Variants in MOK observed in about 807,000 individuals in gnomAD.
MOK encodes MAPK/MAK/MRK overlapping kinase.
MOK carries 59 observed loss-of-function variants against 54.2 expected under a neutral mutation model. The observed-to-expected ratio is 1.09, with a 90% CI of 0.88 to 1.35. MOK has a LOEUF of 1.35. MOK is among the 40% of genes most tolerant of loss of function. The pLI is 0.00. For synonymous variants in MOK, 210 were observed against 202.7 expected (o/e 1.04, Z -0.31); for missense variants, 517 against 526.2 (o/e 0.98, Z 0.17).
At chr14:102,284,028 G>T (rs150207867) in intron 1 of MOK, among the ~76,000 whole-genome samples, 1 of 152,148 alleles carries the variant, frequency 6.6e-6, no homozygotes, top group Non-Finnish European at 1.5e-5. Flanking sequence ...ATCCGCAACA[G>T]TTTCCTACAA....
intron 1 of MOK, among the ~76,000 whole-genome samples, chr14:102,288,792 T>G (rs2070421664): frequency 6.6e-6 from 1 of 152,252 alleles, no homozygotes; most frequent in Admixed American, 6.5e-5. Context: ...CAGAATGGGC[T>G]GAAGGGGACA....
At chr14:102,242,522 A>C (rs2065797770) in intron 7 of MOK, among the ~76,000 whole-genome samples, 1 of 4,738 alleles carries the variant, frequency 2.1e-4, no homozygotes, top group African/African-American at 8.0e-4. Flanking sequence ...GGACACCTCT[A>C]CTCTCCCCTG....
At chr14:102,275,624 G>T (rs549341829) in intron 2 of MOK, among the ~76,000 whole-genome samples, 100 of 149,802 alleles carry the variant, frequency 6.7e-4, no homozygotes, top group African/African-American at 2.4e-3. Context: ...AAATGATAAG[G>T]TTTTTAGGAG....
chr14:102,288,175 C>T (rs2070355580), intron 1 of MOK, among the ~76,000 whole-genome samples: 1 of 152,214 alleles, frequency 6.6e-6, no homozygotes, highest in Non-Finnish European at 1.5e-5. Flanking sequence ...AGCAATTCCA[C>T]TCCTACATAT....
At chr14:102,297,788 T>C (rs1371248718) in intron 1 of MOK, among the ~76,000 whole-genome samples, 2 of 152,148 alleles carry the variant, frequency 1.3e-5, no homozygotes, top group Non-Finnish European at 2.9e-5. Context: ...TGCGGCCAGC[T>C]GGTGCTGCTG....
In MOK at chr14:102,229,181, A is replaced by G; in HGVS notation, c.*108T>C. On this transcript the variant is annotated 3_prime_UTR_variant, in exon 12 of 12. Transcript: ENST00000361847. Reference sequence around the variant, plus strand: ...CAGAGCCCCGGCCAGCGCGAAACGGACGCAGGCGCATCCCCAGCCCTCCGT... The same window carrying G: ...CAGAGCCCCGGCCAGCGCGAAACGGGCGCAGGCGCATCCCCAGCCCTCCGT... 8.2e-7 allele frequency: 1 copy of G among 1,220,000 alleles called. No individual in the cohort carries two copies. The highest frequency in any genetic ancestry group is 1.5e-5 in the African/African-American group (1 of 65,528). 75.6% of individuals were successfully genotyped at this position (1,220,000 alleles called of 1,614,324 possible).
chr14:102,224,605 T>G, downstream of MOK: 1 of 456,118 alleles, frequency 2.2e-6, no homozygotes, highest in Non-Finnish European at 4.4e-6. Flanking sequence ...TTTCAGGCTT[T>G]TGAGGGGAGG....
chr14:102,233,508 C>G, intron 8 of MOK, 180 bp downstream of exon 8: 1 of 589,902 alleles, frequency 1.7e-6, no homozygotes, highest in East Asian at 2.9e-5. Flanking sequence ...TTTGAGACCA[C>G]TTAAAGTGAT....
At chr14:102,266,181 A>G (rs1208469189) in intron 2 of MOK, among the ~76,000 whole-genome samples, 1 of 152,228 alleles carries the variant, frequency 6.6e-6, no homozygotes, top group Non-Finnish European at 1.5e-5. Flanking sequence ...ATATTAACAA[A>G]CATAAAAGTA....
Position 102,249,253 on chromosome 14 carries a change from C to T in MOK, c.590+1559G>A, listed in dbSNP as rs921662911. Among the ~76,000 whole-genome samples, 1 of 152,186 alleles carries T rather than the reference C, an allele frequency of 6.6e-6. No homozygotes were observed. The highest frequency in any genetic ancestry group is 2.4e-5 in the African/African-American group (1 of 41,434). ...TGTCTGTGGTGAAATGTGACTAATT[C>T]ACAGTAACCGTGATAAATAACCCCA... On this transcript the variant is annotated intron_variant, in intron 7 of 11. Coordinates refer to ENST00000361847, the MANE Select transcript of MOK (RefSeq NM_014226.3). The surrounding 1 kb of genome is among the most constrained non-coding windows in gnomAD (Gnocchi z 5.3).
At chr14:102,247,608 T>G (rs1038219072) in intron 7 of MOK, 2 of 152,216 alleles carry the variant, frequency 1.3e-5, no homozygotes, top group African/African-American at 4.8e-5. Context: ...ACCTCACAGA[T>G]AGCTTGGAAG....
chr14:102,283,029 G>C (rs1597534695), intron 2 of MOK: 1 of 145,954 alleles, frequency 6.9e-6, no homozygotes, highest in South Asian at 2.2e-4. Flanking sequence ...ACTCCAGCCT[G>C]GGAGACAGAG....
chr14:102,233,543 C>T, intron 8 of MOK, 145 bp downstream of exon 8: 1 of 637,546 alleles, frequency 1.6e-6, no homozygotes, highest in Non-Finnish European at 2.8e-6. Context: ...CAGCCACTCA[C>T]TGGCCCTCAA....
chr14:102,266,382 G>A (rs1426626158), intron 2 of MOK, among the ~76,000 whole-genome samples: 3 of 149,538 alleles, frequency 2.0e-5, no homozygotes, highest in African/African-American at 7.4e-5. Context: ...ATGTCTCACT[G>A]AAGCCTCAAC....
At chr14:102,266,055 C>A in intron 2 of MOK, 143 bp from the exon 3 acceptor site, 1 of 617,278 alleles carries the variant, frequency 1.6e-6, no homozygotes, top group Non-Finnish European at 2.8e-6. Context: ...CCATTAGAAA[C>A]TGAAGTTAAG....
chr14:102,292,427 A>G (rs2070862493), intron 1 of MOK, among the ~76,000 whole-genome samples: 1 of 151,792 alleles, frequency 6.6e-6, no homozygotes, highest in Admixed American at 6.6e-5. Context: ...GAGCCGAGAT[A>G]GCACCACTGC....
At chr14:102,252,435 A>G (rs1273720501) in intron 4 of MOK, among the ~76,000 whole-genome samples, 1 of 152,096 alleles carries the variant, frequency 6.6e-6, no homozygotes, top group Admixed American at 6.5e-5. Flanking sequence ...AGCCTGGGCA[A>G]CAGGAGCAAA....
chr14:102,256,277 T>A lies in MOK; in HGVS notation c.284-4282A>T, dbSNP rs180867831. Among the ~76,000 whole-genome samples, 401 of 151,920 alleles carry A rather than the reference T, an allele frequency of 2.6e-3. 4 individuals are homozygous for A. Among genetic ancestry groups the A allele is most frequent in the African/African-American group, 9.1e-3 (376 of 41,456 alleles). ...ACACCCGGATGCTTTTTTTTTTAATTTTTTGGGCTGGGCACGGTGGCTTAC... is the reference window on the plus strand; with the variant it reads ...ACACCCGGATGCTTTTTTTTTTAATATTTTGGGCTGGGCACGGTGGCTTAC... On this transcript the variant is annotated intron_variant, in intron 4 of 11. Coordinates refer to ENST00000361847, the MANE Select transcript of MOK (RefSeq NM_014226.3).
rs368558755 is a variant in MOK at position 102,265,772 on chromosome 14, A to G, written c.212+51T>C. On this transcript the variant is annotated intron_variant, in intron 3 of 11. Transcript: ENST00000361847. The stretch of plus-strand genomic sequence containing the variant: ...TACCATGGTTTTCTTTCTTAAAAAG[A>G]GATTATTTTCATCAAATTTAGATAA... The G allele has an allele frequency of 2.5e-5, 36 of 1,440,768 alleles. No homozygotes were observed. The South Asian group carries it at 2.5e-4, about 10-fold the overall frequency. 89.2% of individuals were successfully genotyped at this position (1,440,768 alleles called of 1,614,324 possible). A position where few individuals can be genotyped will look rare whatever the true frequency, so the allele number is the denominator to read the frequency against.
Sources: gnomAD v4.1 joint callset for allele counts (sites outside exome capture counted in the v4.1 genomes callset) on GRCh38, gnomAD v4.1.1 for gene constraint, Gnocchi (gnomAD v3.1) non-coding constraint, MANE v1.5 for transcripts, NCBI Gene and HGNC (gene_info 2026-07-23, HGNC 2026-07-21) for gene names.